The following ZSWIM2 variants were observed in gnomAD, a reference collection of about 807,000 sequenced individuals.
ZSWIM2 encodes the protein zinc finger SWIM-type containing 2.
In ZSWIM2, 38 loss-of-function variants were observed where a neutral mutation model predicts 48.4. The ratio of observed to expected loss-of-function variants is 0.79; its 90% CI spans 0.61 to 1.03. The LOEUF is 1.03. Among genes scored for constraint, ZSWIM2 ranks in the 50% least tolerant of loss-of-function variants. ZSWIM2 has a pLI of 0.00. For missense variants in ZSWIM2, 776 were observed against 730.2 expected, an observed-to-expected ratio of 1.06 and a Z score of -0.72; for synonymous variants, 240 against 251.3, an observed-to-expected ratio of 0.96 and a Z score of 0.42.
chr2:186,829,553 G>A (rs1007343262), intron 8 of ZSWIM2, among the ~76,000 whole-genome samples, 174 bp downstream of exon 8: 3 of 152,028 alleles, frequency 2.0e-5, no homozygotes, highest in African/African-American at 7.2e-5. Flanking sequence ...CATCCTCAGG[G>A]AGAAAGCTGC....
intron 7 of ZSWIM2, among the ~76,000 whole-genome samples, chr2:186,832,297 T>A (rs1366087546): frequency 2.6e-5 from 4 of 151,804 alleles, no homozygotes; most frequent in Admixed American, 2.0e-4. Flanking sequence ...TTTTGTTTTT[T>A]TTTTAGTAGA....
At chr2:186,830,947 T>C (rs1559111711) in intron 7 of ZSWIM2, among the ~76,000 whole-genome samples, 1 of 152,184 alleles carries the variant, frequency 6.6e-6, no homozygotes, top group African/African-American at 2.4e-5. Flanking sequence ...TCTACAGATA[T>C]ATCCTCACCA....
At chr2:186,841,006 CA>C (rs1193217360) in intron 3 of ZSWIM2, among the ~76,000 whole-genome samples, 3 of 151,470 alleles carry the variant, frequency 2.0e-5, no homozygotes, top group African/African-American at 7.2e-5. Context: ...TTATTTGCAT[CA>C]AAGGCAAATG....
chr2:186,834,001 C>G lies in ZSWIM2; in HGVS notation c.773G>C (p.Cys258Ser). 1 of 1,612,932 alleles carries G rather than the reference C, an allele frequency of 6.2e-7. No homozygotes were observed. Among genetic ancestry groups the G allele is most frequent in the South Asian group, 1.1e-5 (1 of 91,056 alleles). Residue 258 changes from cysteine to serine, a missense_variant, in exon 6 of 9, where the codon TGC becomes TCC. Cys to Ser is a moderately radical substitution (Grantham distance 112, BLOSUM62 -1). Transcript: ENST00000295131. ...GCAGCAGCTATCAAAACATTCCTGG[C>G]ATAAGTGATATTCTATGCATTCGGT... ...KCTECIEYHL[C>S]QECFDSCCHL...
intron 5 of ZSWIM2, among the ~76,000 whole-genome samples, chr2:186,835,891 C>A (rs1383080390): frequency 1.3e-5 from 2 of 152,034 alleles, no homozygotes; most frequent in Non-Finnish European, 2.9e-5. Flanking sequence ...AGTTATGAGA[C>A]AAGAAAAGAT....
intron 4 of ZSWIM2, 81 bp from the exon 5 acceptor site, chr2:186,837,635 ATATATT>A (rs1166962743): frequency 2.4e-6 from 1 of 416,820 alleles, no homozygotes; most frequent in Admixed American, 5.8e-5. Context: ...TATATTATAT[ATATATT>A]TATATAAATA....
At position 186,837,550 on chromosome 2, in the gene ZSWIM2, C is replaced by G. The variant is rs1204936677; in HGVS notation, c.499G>C (p.Gly167Arg). Reference sequence around the variant, plus strand: ...TTTATATGAATACTATTGCCACAGCCAAACCTATGAGAGATAAAATTGAAG... The same window carrying G: ...TTTATATGAATACTATTGCCACAGCGAAACCTATGAGAGATAAAATTGAAG... ...KKLPVTFCRFGCGNSIHIKCM... is the reference protein window; with the variant it reads ...KKLPVTFCRFRCGNSIHIKCM... Residue 167 changes from glycine (G) to arginine (R), a missense_variant, in exon 5 of 9, where the codon GGC becomes CGC. Gly to Arg is a moderately radical substitution (Grantham distance 125). Coordinates refer to ENST00000295131, the MANE Select transcript of ZSWIM2 (RefSeq NM_182521.3). The G allele has an allele frequency of 6.2e-7, 1 of 1,607,424 alleles. No individual in the cohort carries two copies.
At chr2:186,845,655 TTAAAA>T (rs1691984488) in intron 2 of ZSWIM2, among the ~76,000 whole-genome samples, 1 of 151,478 alleles carries the variant, frequency 6.6e-6, no homozygotes, top group African/African-American at 2.4e-5. Flanking sequence ...ATCAAATAAA[TTAAAA>T]TAATATTAAT....
intron 7 of ZSWIM2, among the ~76,000 whole-genome samples, chr2:186,830,147 A>G (rs1486182531): frequency 6.6e-6 from 1 of 152,170 alleles, no homozygotes. Context: ...TGGGAGACTG[A>G]GGTGGGTGGA....
At chr2:186,844,082 AC>A (rs1266461991) in intron 3 of ZSWIM2, among the ~76,000 whole-genome samples, 1 of 151,646 alleles carries the variant, frequency 6.6e-6, no homozygotes, top group Admixed American at 6.6e-5. Flanking sequence ...TATTGGTCAA[AC>A]AATTCCTTAA....
At chr2:186,848,726 C>A (rs1334379875) in intron 1 of ZSWIM2, 3 of 458,192 alleles carry the variant, frequency 6.5e-6, no homozygotes, top group Admixed American at 3.3e-5. Flanking sequence ...GAGCCATCAT[C>A]TTTTACAAGA....
At chr2:186,838,740 A>G (rs1303279909) in intron 4 of ZSWIM2, among the ~76,000 whole-genome samples, 1 of 146,858 alleles carries the variant, frequency 6.8e-6, no homozygotes, top group Admixed American at 6.9e-5. Flanking sequence ...TATATATTAT[A>G]GATATTATAT....
chr2:186,832,619 A>T (rs1019301440), intron 7 of ZSWIM2, among the ~76,000 whole-genome samples: 36 of 152,152 alleles, frequency 2.4e-4, no homozygotes, highest in African/African-American at 8.4e-4. Context: ...TCAAATGCAA[A>T]TTTCAAATAT....
In ZSWIM2 at chr2:186,828,160, C is replaced by T. The variant is rs577414867; in HGVS notation, c.1726G>A (p.Asp576Asn). 6.2e-7 allele frequency: 1 copy of T among 1,613,468 alleles called. No individual in the cohort carries two copies. The highest frequency in any genetic ancestry group is 1.7e-5 in the Admixed American group (1 of 59,906). The change falls in exon 9 of 9, where the codon GAT (aspartate) becomes AAT (asparagine). Residue 576 changes from aspartate to asparagine, a missense_variant. Coordinates refer to ENST00000295131, the MANE Select transcript of ZSWIM2 (RefSeq NM_182521.3). ...CTCCAATTGACAATAAGATTGAAAT[C>T]CTCTGGAAGTAAAGTTGATCTCTTG... ...DNKRSTLLPEDFNLIVNWSTA... is the reference protein window; with the variant it reads ...DNKRSTLLPENFNLIVNWSTA...
At chr2:186,844,808 C>T in intron 2 of ZSWIM2, 51 bp from the exon 3 acceptor site, 1 of 1,414,606 alleles carries the variant, frequency 7.1e-7, no homozygotes, top group South Asian at 1.4e-5. Context: ...TTGGCATAAA[C>T]TCAAAAGACA....
At chr2:186,843,436 A>G (rs979220921) in intron 3 of ZSWIM2, among the ~76,000 whole-genome samples, 4 of 151,688 alleles carry the variant, frequency 2.6e-5, no homozygotes, top group African/African-American at 9.7e-5. Context: ...AGGAGGCTAC[A>G]CAGAATGGTA....
chr2:186,830,905 T>C (rs1047475586), intron 7 of ZSWIM2, among the ~76,000 whole-genome samples: 3 of 152,188 alleles, frequency 2.0e-5, no homozygotes, highest in Admixed American at 1.3e-4. Flanking sequence ...AGTTCAAATA[T>C]ATTCTTCAGA....
Position 186,839,072 on chromosome 2 carries a change from A to AT in ZSWIM2, c.380dup (p.Asn127LysfsTer2). The AT allele has an allele frequency of 6.2e-7, 1 of 1,611,706 alleles. No homozygotes were observed. Among genetic ancestry groups the AT allele is most frequent in the Non-Finnish European group, 8.5e-7 (1 of 1,178,418 alleles). On this transcript the variant is annotated frameshift_variant, in exon 4 of 9. Transcript: ENST00000295131. LOFTEE classifies it high-confidence loss of function. ...TGTACCCATCTTCTTCAACATGTTC[A>AT]TTTTCGTCATTTGTTCCTGGTTGGG... is the stretch of plus-strand genomic sequence containing the variant.
chr2:186,847,584 T>C, intron 2 of ZSWIM2, 135 bp downstream of exon 2: 1 of 498,180 alleles, frequency 2.0e-6, no homozygotes, highest in East Asian at 3.2e-5. Context: ...TGGTAAGCTA[T>C]GACCATTTTA....
Sources: gnomAD v4.1 joint callset for allele counts (sites outside exome capture counted in the v4.1 genomes callset) on GRCh38, gnomAD v4.1.1 for gene constraint, MANE v1.5 for transcripts, NCBI Gene and HGNC (gene_info 2026-07-23, HGNC 2026-07-21) for gene names.